Variants in SPAG17 observed in about 807,000 individuals in gnomAD.
SPAG17 encodes the protein sperm-associated antigen 17.
A neutral mutation model predicts 273.6 loss-of-function variants in SPAG17; 169 were observed. The observed-to-expected ratio is 0.62, with a 90% CI of 0.55 to 0.70. SPAG17 has a LOEUF of 0.70. Among genes scored for constraint, SPAG17 ranks in the 30% least tolerant of loss-of-function variants. SPAG17 has a pLI of 0.00. For synonymous variants in SPAG17, 825 were observed against 873.2 expected, an observed-to-expected ratio of 0.94 and a Z score of 0.97; for missense variants, 2,557 against 2,627.8, an observed-to-expected ratio of 0.97 and a Z score of 0.59.
intron 17 of SPAG17, among the ~76,000 whole-genome samples, chr1:118,068,150 T>TAA (rs1211152930): frequency 6.7e-6 from 1 of 149,916 alleles, no homozygotes; most frequent in Non-Finnish European, 1.5e-5. Context: ...GATATATATA[T>TAA]AATATATATA....
In SPAG17 at chr1:118,063,013, G is replaced by C. The variant is rs529117595; in HGVS notation, c.2540+3732C>G. ...GTAATTAATGGGTCAAGTAAGAAAG[G>C]ATAATGGAAATTAGAAATGTGAAGG... On this transcript the variant is annotated intron_variant, in intron 18 of 48. Transcript: ENST00000336338. Among the ~76,000 whole-genome samples, 3 of 152,158 alleles carry C rather than the reference G, an allele frequency of 2.0e-5. No homozygotes were observed. In the South Asian group the frequency reaches 6.2e-4, roughly 32 times the overall value.
intron 1 of SPAG17, among the ~76,000 whole-genome samples, chr1:118,179,409 C>A (rs978544784): frequency 6.6e-6 from 1 of 151,982 alleles, no homozygotes; most frequent in African/African-American, 2.4e-5. Context: ...TGAAACTAGA[C>A]CCCTGTCTCT....
At chr1:118,089,304 G>A (rs916917546) in intron 10 of SPAG17, among the ~76,000 whole-genome samples, 1 of 124,728 alleles carries the variant, frequency 8.0e-6, no homozygotes, top group Non-Finnish European at 1.7e-5. Flanking sequence ...ACATATTTGA[G>A]GAAAAACCAG....
chr1:118,098,101 G>T (rs949882948), intron 6 of SPAG17, among the ~76,000 whole-genome samples: 1 of 152,188 alleles, frequency 6.6e-6, no homozygotes, highest in African/African-American at 2.4e-5. Context: ...GGCCCAGGAA[G>T]ATTATGACTA....
chr1:118,087,067 C>T, intron 10 of SPAG17, 59 bp from the exon 11 acceptor site: 1 of 1,494,118 alleles, frequency 6.7e-7, no homozygotes, highest in Non-Finnish European at 8.9e-7. Flanking sequence ...GTGATACTCA[C>T]TGCTCATTGC....
intron 3 of SPAG17, among the ~76,000 whole-genome samples, chr1:118,140,232 G>C (rs1658598133): frequency 6.6e-6 from 1 of 151,928 alleles, no homozygotes; most frequent in South Asian, 2.1e-4. Context: ...ATAGTCAAAA[G>C]GTAGAAAATC....
rs146179421 is a variant in SPAG17, at chr1:118,086,902, G to C, written c.1466C>G (p.Pro489Arg). Residue 489 changes from proline to arginine, a missense_variant, in exon 11 of 49, where the codon CCC becomes CGC. Pro to Arg is a moderately radical substitution (Grantham distance 103). Coordinates refer to ENST00000336338, the MANE Select transcript of SPAG17 (RefSeq NM_206996.4). ...RIAAHIVSLL[P>R]SLCLSEREKK... ...CTCCCTCTCTGAGAGACAGAGTGAGGGCAGAAGGGACACAATGTGAGCTGC... is the reference window on the plus strand; with the variant it reads ...CTCCCTCTCTGAGAGACAGAGTGAGCGCAGAAGGGACACAATGTGAGCTGC... The C allele has an allele frequency of 1.1e-3, 1,846 of 1,613,764 alleles. 5 individuals are homozygous for C. Among genetic ancestry groups the C allele is most frequent in the Non-Finnish European group, 1.4e-3 (1,678 of 1,179,928 alleles).
At chr1:118,137,068 A>G (rs1266600298) in intron 3 of SPAG17, among the ~76,000 whole-genome samples, 1 of 152,122 alleles carries the variant, frequency 6.6e-6, no homozygotes, top group Non-Finnish European at 1.5e-5. Context: ...ATCCAGATAG[A>G]GCCTGTATCT....
intron 44 of SPAG17, 145 bp from the exon 45 acceptor site, chr1:117,972,192 G>T: frequency 1.4e-6 from 1 of 706,466 alleles, no homozygotes; most frequent in Non-Finnish European, 2.3e-6. Flanking sequence ...CCTTACAACA[G>T]TCCTGTGAGG....
In SPAG17 at chr1:118,012,315, T is replaced by A; in HGVS notation, c.4345A>T (p.Ile1449Leu). The change falls in exon 30 of 49, where the codon ATA (isoleucine) becomes TTA (leucine). Residue 1449 changes from isoleucine (I) to leucine (L), a missense_variant. Ile to Leu is a conservative substitution (Grantham distance 5). Transcript: ENST00000336338. Reference protein sequence around the residue: ...VIVERKDGTRIVDHADGTRIT... With the variant: ...VIVERKDGTRLVDHADGTRIT... ...CTGGTACCATCAGCATGATCCACTA[T>A]CCGAGTACCATCTTTCCTTTCAACT... 6.2e-7 allele frequency: 1 copy of A among 1,613,836 alleles called. No individual in the cohort carries two copies. The highest frequency in any genetic ancestry group is 8.5e-7 in the Non-Finnish European group (1 of 1,179,820).
At position 118,039,391 on chromosome 1, in the gene SPAG17, G is replaced by A; in HGVS notation, c.3220C>T (p.His1074Tyr). ...VVKDNHNFMI[H>Y]LNDPKEIVKK... Reference sequence around the variant, plus strand: ...ACAATTTCCTTAGGGTCATTTAAATGAATCATAAAATTGTGGTTGTCCTTT... The same window carrying A: ...ACAATTTCCTTAGGGTCATTTAAATAAATCATAAAATTGTGGTTGTCCTTT... Residue 1074 changes from histidine to tyrosine, a missense_variant, in exon 23 of 49, where the codon CAT (histidine) becomes TAT (tyrosine). Transcript: ENST00000336338. 1 of 1,613,310 alleles carries A rather than the reference G, an allele frequency of 6.2e-7. No homozygotes were observed. Among genetic ancestry groups the A allele is most frequent in the Non-Finnish European group, 8.5e-7 (1 of 1,179,562 alleles).
chr1:118,156,267 G>A (rs1659643602), intron 1 of SPAG17, among the ~76,000 whole-genome samples: 2 of 152,184 alleles, frequency 1.3e-5, no homozygotes, highest in South Asian at 4.1e-4. Flanking sequence ...TGTTTTCTAT[G>A]CTTTTGCACT....
intron 43 of SPAG17, among the ~76,000 whole-genome samples, chr1:117,980,553 C>T (rs1424549298): frequency 6.6e-6 from 1 of 152,146 alleles, no homozygotes; most frequent in Non-Finnish European, 1.5e-5. Flanking sequence ...TTAATTCACA[C>T]TTAAATGTGG....
intron 26 of SPAG17, among the ~76,000 whole-genome samples, chr1:118,025,920 C>T (rs1647693314): frequency 1.3e-5 from 2 of 152,146 alleles, no homozygotes. Context: ...ATCTACAACA[C>T]CTAGTAGGTA....
chr1:118,064,077 C>A (rs1398249411), intron 18 of SPAG17, among the ~76,000 whole-genome samples: 1 of 152,114 alleles, frequency 6.6e-6, no homozygotes, highest in Non-Finnish European at 1.5e-5. Flanking sequence ...ATTAAAAAGT[C>A]AGGAAACAAC....
At chr1:118,092,977 T>C (rs1291130034) in intron 8 of SPAG17, among the ~76,000 whole-genome samples, 179 bp downstream of exon 8, 2 of 152,236 alleles carry the variant, frequency 1.3e-5, no homozygotes, top group African/African-American at 4.8e-5. Context: ...CCTTTGTAAA[T>C]GTCTGGTAGT....
chr1:118,051,812 T>G (rs1272700246), intron 20 of SPAG17, among the ~76,000 whole-genome samples: 1 of 140,396 alleles, frequency 7.1e-6, no homozygotes, highest in Non-Finnish European at 1.5e-5. Context: ...ATATATACTA[T>G]TATAATATAT....
chr1:118,004,703 C>T (rs1282714640), intron 32 of SPAG17, among the ~76,000 whole-genome samples: 2 of 152,198 alleles, frequency 1.3e-5, no homozygotes, highest in Non-Finnish European at 2.9e-5. Flanking sequence ...TCCTGTTTTT[C>T]CAGGTACAGT....
chr1:118,063,807 A>C (rs1237767918), intron 18 of SPAG17, among the ~76,000 whole-genome samples: 2 of 152,178 alleles, frequency 1.3e-5, no homozygotes, highest in Non-Finnish European at 1.5e-5. Context: ...CAACCTACAA[A>C]ATGGGAGAAA....
Sources: allele counts gnomAD v4.1 joint callset (sites outside exome capture counted in the v4.1 genomes callset), GRCh38; gene constraint gnomAD v4.1.1; transcripts MANE v1.5; gene names NCBI Gene and HGNC (gene_info 2026-07-23, HGNC 2026-07-21).